The following RNPC3 variants were observed in gnomAD, a reference collection of about 807,000 sequenced individuals.
RNPC3 encodes RNA-binding region-containing protein 3.
RNPC3 carries 48 observed loss-of-function variants against 67.5 expected under a neutral mutation model. The observed-to-expected ratio is 0.71, with a 90% CI of 0.56 to 0.90. The LOEUF (loss-of-function observed/expected upper bound fraction) is 0.90, where lower values mean the gene tolerates loss of function less well. RNPC3 is among the 40% of genes least tolerant of loss of function. RNPC3 has a pLI of 0.00. For synonymous variants in RNPC3, 239 were observed against 210.3 expected, an observed-to-expected ratio of 1.14 and a Z score of -1.18; for missense variants, 637 against 626.1, an observed-to-expected ratio of 1.02 and a Z score of -0.19.
chr1:103,531,685 T>G (rs1650862994), intron 2 of RNPC3, among the ~76,000 whole-genome samples: 1 of 151,842 alleles, frequency 6.6e-6, no homozygotes. Flanking sequence ...CATGGGATTG[T>G]TTTTTTTCTT....
intron 7 of RNPC3, among the ~76,000 whole-genome samples, chr1:103,541,025 T>C (rs1651112454): frequency 6.6e-6 from 1 of 152,154 alleles, no homozygotes; most frequent in Admixed American, 6.5e-5. Context: ...TTGTATCTTG[T>C]TCAGCCGTTT....
intron 12 of RNPC3, among the ~76,000 whole-genome samples, chr1:103,548,596 G>T (rs757294306): frequency 2.8e-4 from 42 of 152,090 alleles, no homozygotes; most frequent in Non-Finnish European, 2.8e-4. Context: ...TCAGCATTTT[G>T]GTCAAAGCCA....
chr1:103,525,981 C>A lies in RNPC3; in HGVS notation c.-90C>A. 1 of 1,040,198 alleles carries A rather than the reference C, an allele frequency of 9.6e-7. No homozygotes were observed. The highest frequency in any genetic ancestry group is 1.4e-6 in the Non-Finnish European group (1 of 736,106). 64.4% of individuals were successfully genotyped at this position (1,040,198 alleles called of 1,614,324 possible). On this transcript the variant is annotated 5_prime_UTR_variant, in exon 1 of 15. Transcript: ENST00000423855. ...GGTTTCCAGAATCCTTAGCGCGAGG[C>A]GGAAAAAATATTTCTCCCAGCTTGT...
chr1:103,526,301 T>A, intron 1 of RNPC3, 39 bp downstream of exon 1: 1 of 1,472,402 alleles, frequency 6.8e-7, no homozygotes, highest in Non-Finnish European at 9.1e-7. Context: ...GGGAAGGCAT[T>A]TGGGAAGTGA....
chr1:103,547,465 A>C (rs1220326722), intron 12 of RNPC3, among the ~76,000 whole-genome samples: 3 of 152,092 alleles, frequency 2.0e-5, no homozygotes, highest in Non-Finnish European at 4.4e-5. Context: ...GCCTGGCAAA[A>C]CAGTTTTCTG....
chr1:103,527,771 G>C, intron 2 of RNPC3, 29 bp downstream of exon 2: 1 of 1,467,048 alleles, frequency 6.8e-7, no homozygotes, highest in Non-Finnish European at 9.3e-7. Context: ...GATTAAAGTT[G>C]TCAACAGGAT....
chr1:103,544,255 A>G (rs1301282114), intron 9 of RNPC3, among the ~76,000 whole-genome samples: 1 of 151,814 alleles, frequency 6.6e-6, no homozygotes, highest in African/African-American at 2.4e-5. Context: ...TTTTTAAATG[A>G]ACATAATGTT....
chr1:103,538,133 C>T (rs1361896326), intron 7 of RNPC3, among the ~76,000 whole-genome samples: 4 of 152,132 alleles, frequency 2.6e-5, no homozygotes, highest in Non-Finnish European at 5.9e-5. Context: ...GCATTAGCCA[C>T]GTGCCTGGCC....
At chr1:103,551,111 T>G in intron 13 of RNPC3, 38 bp downstream of exon 13, 1 of 1,503,608 alleles carries the variant, frequency 6.7e-7, no homozygotes, top group Non-Finnish European at 9.0e-7. Flanking sequence ...ACTATATAAT[T>G]TTTAGAAGGA....
In RNPC3 at chr1:103,527,737, A is replaced by G. The variant is rs958476531; in HGVS notation, c.235A>G (p.Ile79Val). The change falls in exon 2 of 15, where the codon ATA (isoleucine) becomes GTA (valine). Residue 79 changes from isoleucine to valine, a missense_variant. Physicochemically the swap from Ile to Val is conservative, Grantham distance 29 (BLOSUM62 3). Transcript: ENST00000423855. ...FATFPNEKAA[I>V]KALTRLHQLK... is the part of the protein sequence containing the mutation. ...CACATTCCCTAATGAAAAAGCAGCT[A>G]TAAAGGTATGACTTTTTCTTGACGA... 3 of 1,546,572 alleles carry G rather than the reference A, an allele frequency of 1.9e-6. No homozygotes were observed. Among genetic ancestry groups the G allele is most frequent in the Non-Finnish European group, 1.7e-6 (2 of 1,142,880 alleles).
chr1:103,530,790 G>C (rs1403800411), intron 2 of RNPC3, among the ~76,000 whole-genome samples: 1 of 152,152 alleles, frequency 6.6e-6, no homozygotes, highest in Non-Finnish European at 1.5e-5. Flanking sequence ...CAATGGTAGT[G>C]GTTAGCGGTG....
intron 12 of RNPC3, among the ~76,000 whole-genome samples, chr1:103,550,116 A>T (rs1037388651): frequency 6.6e-6 from 1 of 152,026 alleles, no homozygotes; most frequent in African/African-American, 2.4e-5. Context: ...CTGAGCCAAG[A>T]TCACGCCACT....
At chr1:103,542,089 A>G (rs1347133485) in intron 8 of RNPC3, among the ~76,000 whole-genome samples, 1 of 152,076 alleles carries the variant, frequency 6.6e-6, no homozygotes, top group Non-Finnish European at 1.5e-5. Flanking sequence ...CTGTCTTTTC[A>G]AACAGTGAGT....
chr1:103,526,301 T>C lies in RNPC3; in HGVS notation c.192+39T>C, dbSNP rs568903493. The C allele has an allele frequency of 5.6e-5, 82 of 1,472,402 alleles. No homozygotes were observed. The South Asian group carries it at 7.8e-4, about 14-fold the overall frequency. 91.2% of individuals were successfully genotyped at this position (1,472,402 alleles called of 1,614,324 possible). A position where few individuals can be genotyped will look rare whatever the true frequency, so the allele number is the denominator to read the frequency against. ...CCTCCGGAGTCTCCCGGGAAGGCAT[T>C]TGGGAAGTGACCGGGGAGGGGGAGC... is the stretch of plus-strand genomic sequence containing the variant. On this transcript the variant is annotated intron_variant, in intron 1 of 14. Transcript: ENST00000423855.
intron 5 of RNPC3, 97 bp downstream of exon 5, chr1:103,535,538 G>A: frequency 1.5e-6 from 1 of 686,804 alleles, no homozygotes; most frequent in Non-Finnish European, 2.4e-6. Context: ...ACTAATTCTA[G>A]ACAGCCAGTG....
chr1:103,534,721 C>T, intron 3 of RNPC3, 53 bp from the exon 4 acceptor site: 3 of 907,532 alleles, frequency 3.3e-6, no homozygotes, highest in East Asian at 3.0e-5. Context: ...TTTCTGTGTG[C>T]AGTTTTTCAC....
chr1:103,546,464 A>G, intron 11 of RNPC3, 122 bp downstream of exon 11: 1 of 470,636 alleles, frequency 2.1e-6, no homozygotes, highest in Admixed American at 4.1e-5. Flanking sequence ...GCTTCAGGGC[A>G]TGACAAATTA....
intron 2 of RNPC3, among the ~76,000 whole-genome samples, chr1:103,529,161 A>T (rs1432111030): frequency 6.6e-6 from 1 of 152,220 alleles, no homozygotes; most frequent in East Asian, 1.9e-4. Context: ...AATATGGCAG[A>T]ACTATACACC....
chr1:103,535,429 G>A lies in RNPC3; in HGVS notation c.543G>A (p.Lys181=). The A allele has an allele frequency of 2.0e-6, 3 of 1,533,034 alleles. No individual in the cohort carries two copies. Among genetic ancestry groups the A allele is most frequent in the Non-Finnish European group, 2.6e-6 (3 of 1,143,432 alleles). 95.0% of individuals were successfully genotyped at this position (1,533,034 alleles called of 1,614,324 possible). The stretch of plus-strand genomic sequence containing the variant: ...TAAATGCCTTGGCAAGCGTGCCTAA[G>A]TTCTATGTACAGGTAAGTAGAATAA... The part of the protein sequence containing the change: ...NIVNALASVP[K]FYVQVLHLMN... The change falls in exon 5 of 15, where the codon AAG becomes AAA. Residue 181 remains lysine (K), a synonymous_variant. Transcript: ENST00000423855.
Sources: allele counts gnomAD v4.1 joint callset (sites outside exome capture counted in the v4.1 genomes callset), GRCh38; gene constraint gnomAD v4.1.1; transcripts MANE v1.5; gene names NCBI Gene and HGNC (gene_info 2026-07-23, HGNC 2026-07-21).